The following ZNF492 variants were observed in gnomAD, a reference collection of about 807,000 sequenced individuals.
ZNF492 encodes the protein zinc finger protein 115 (Y20).
A neutral mutation model predicts 6.4 loss-of-function variants in ZNF492; 3 were observed. The ratio of observed to expected loss-of-function variants is 0.47; its 90% CI spans 0.21 to 1.22. ZNF492 has a LOEUF of 1.22. Among genes scored for constraint, ZNF492 ranks in the 50% most tolerant of loss-of-function variants. The pLI, the probability that ZNF492 is intolerant of heterozygous loss-of-function variation, is 0.22. For missense variants in ZNF492, 356 were observed against 612.5 expected, an observed-to-expected ratio of 0.58 and a Z score of 4.42; for synonymous variants, 112 against 205.3, an observed-to-expected ratio of 0.55 and a Z score of 3.89.
chr19:22,663,783 A>G lies in ZNF492; in HGVS notation c.131-17A>G, dbSNP rs543415137. 11 of 1,476,398 alleles carry G rather than the reference A, an allele frequency of 7.5e-6. No homozygotes were observed. In the East Asian group the frequency reaches 2.1e-4, roughly 28 times the overall value. 91.5% of individuals were successfully genotyped at this position (1,476,398 alleles called of 1,614,324 possible). A position where few individuals can be genotyped will look rare whatever the true frequency, so the allele number is the denominator to read the frequency against. On this transcript the variant is annotated splice_polypyrimidine_tract_variant and intron_variant, in intron 3 of 3. Coordinates refer to ENST00000456783, the MANE Select transcript of ZNF492 (RefSeq NM_020855.3). Reference sequence around the variant, plus strand: ...GAGTCAGTAAGTGAAGTAATTTATTATTTTTATTTCTTTCAGTTGTATGTT... The same window carrying G: ...GAGTCAGTAAGTGAAGTAATTTATTGTTTTTATTTCTTTCAGTTGTATGTT...
chr19:22,650,390 G>C (rs1310609150), intron 1 of ZNF492, among the ~76,000 whole-genome samples: 1 of 151,646 alleles, frequency 6.6e-6, no homozygotes, highest in African/African-American at 2.4e-5. Flanking sequence ...ATCTCACCCA[G>C]TTGGGTGGCA....
intron 3 of ZNF492, among the ~76,000 whole-genome samples, chr19:22,660,374 G>T: frequency 6.7e-6 from 1 of 149,326 alleles, no homozygotes; most frequent in Admixed American, 6.7e-5. Flanking sequence ...GTATTGATAT[G>T]CTTTTACTTA....
In ZNF492 at chr19:22,666,188, CTT is replaced by C. The variant is rs202104125; in HGVS notation, c.*939_*940del. 87 of 136,298 alleles carry C rather than the reference CTT, an allele frequency of 6.4e-4. 1 individual carries two copies. Among genetic ancestry groups the C allele is most frequent in the South Asian group, 4.6e-3 (20 of 4,350 alleles). 8.4% of individuals were successfully genotyped at this position (136,298 alleles called of 1,614,324 possible). A position where few individuals can be genotyped will look rare whatever the true frequency, so the allele number is the denominator to read the frequency against. ...GAAATTAGTTTTTCTTTTTCTTCTT[CTT>C]TTTTTTTTTTTTTTTAGATGGAGTC... On this transcript the variant is annotated 3_prime_UTR_variant, in exon 4 of 4. Coordinates refer to ENST00000456783, the MANE Select transcript of ZNF492 (RefSeq NM_020855.3).
chr19:22,662,396 G>A (rs528208182), intron 3 of ZNF492, among the ~76,000 whole-genome samples: 86 of 152,268 alleles, frequency 5.6e-4, no homozygotes, highest in African/African-American at 2.0e-3. Context: ...ATAAATATAC[G>A]TGTGCATGTG....
rs1455447644 is a variant in ZNF492 at position 22,663,972 on chromosome 19, T to C, written c.303T>C (p.Leu101=). 3 of 1,612,368 alleles carry C rather than the reference T, an allele frequency of 1.9e-6. No homozygotes were observed. In the African/African-American group the frequency reaches 4.0e-5, roughly 22 times the overall value. The change falls in exon 4 of 4, where the codon CTT becomes CTC. Residue 101 remains leucine (L), a synonymous_variant. Coordinates refer to ENST00000456783, the MANE Select transcript of ZNF492 (RefSeq NM_020855.3). ...TGCACAAAGAATGTTACAATGGACT[T>C]AACCAGTGTTTGACGACTACCCAGA... ...CKVHKECYNG[L]NQCLTTTQNK...
Position 22,663,653 on chromosome 19 carries a change from T to A in ZNF492, c.131-147T>A, listed in dbSNP as rs1294625331. 3 of 779,962 alleles carry A rather than the reference T, an allele frequency of 3.8e-6. No homozygotes were observed. In the African/African-American group the frequency reaches 5.5e-5, roughly 14 times the overall value. The allele number at this position is 779,962 out of a possible 1,614,324, so 48.3% of individuals were successfully genotyped here. A position where few individuals can be genotyped will look rare whatever the true frequency, so the allele number is the denominator to read the frequency against. On this transcript the variant is annotated intron_variant, in intron 3 of 3. Transcript: ENST00000456783. ...CAGAAATGTAATTTGTTCTGTATGCTTTTATATGTCTGTGAAAATGTTAGA... is the reference window on the plus strand; with the variant it reads ...CAGAAATGTAATTTGTTCTGTATGCATTTATATGTCTGTGAAAATGTTAGA...
intron 3 of ZNF492, among the ~76,000 whole-genome samples, chr19:22,656,103 A>G (rs2957846): frequency 0.087 from 10,508 of 120,994 alleles, 786 homozygotes; most frequent in African/African-American, 0.21. Context: ...GATTACAGGC[A>G]TGAGCCACCG....
At chr19:22,656,097 A>G (rs1169772188) in intron 3 of ZNF492, among the ~76,000 whole-genome samples, 2 of 144,052 alleles carry the variant, frequency 1.4e-5, no homozygotes, top group Non-Finnish European at 3.0e-5. Context: ...TTCTGGGATT[A>G]CAGGCATGAG....
intron 3 of ZNF492, among the ~76,000 whole-genome samples, chr19:22,662,988 T>G (rs1369892820): frequency 6.6e-6 from 1 of 152,180 alleles, no homozygotes; most frequent in African/African-American, 2.4e-5. Context: ...CTTTTGGTGT[T>G]TTAGTCATGA....
chr19:22,663,770 GAAGTA>G lies in ZNF492; in HGVS notation c.131-28_131-24del, dbSNP rs753380801. 4.1e-6 allele frequency: 6 copies of G among 1,462,124 alleles called. No homozygotes were observed. In the African/African-American group the frequency reaches 4.3e-5, roughly 10 times the overall value. The allele number at this position is 1,462,124 out of a possible 1,614,324, so 90.6% of individuals were successfully genotyped here. On this transcript the variant is annotated intron_variant, in intron 3 of 3. Coordinates refer to ENST00000456783, the MANE Select transcript of ZNF492 (RefSeq NM_020855.3). ...AGTACATTCGTCTGAGTCAGTAAGT[GAAGTA>G]ATTTATTATTTTTATTTCTTTCAGT...
chr19:22,664,267 G>A lies in ZNF492; in HGVS notation c.598G>A (p.Glu200Lys), dbSNP rs754422466. Residue 200 changes from glutamate (E) to lysine (K), a missense_variant, in exon 4 of 4, where the codon GAA (glutamate) becomes AAA (lysine). Transcript: ENST00000456783. ...IHTGKKPYKC[E>K]ECGKAFNRLS... ...TACTGGAAAGAAACCCTACAAATGCGAAGAGTGTGGAAAAGCCTTTAACCG... is the reference window on the plus strand; with the variant it reads ...TACTGGAAAGAAACCCTACAAATGCAAAGAGTGTGGAAAAGCCTTTAACCG... 1.5e-5 allele frequency: 24 copies of A among 1,591,866 alleles called. No homozygotes were observed. The highest frequency in any genetic ancestry group is 9.5e-5 in the African/African-American group (7 of 73,782).
At chr19:22,662,854 A>G (rs1972072716) in intron 3 of ZNF492, among the ~76,000 whole-genome samples, 1 of 151,728 alleles carries the variant, frequency 6.6e-6, no homozygotes, top group East Asian at 1.9e-4. Context: ...AGATGGGTAG[A>G]TTGCATAGAT....
At chr19:22,634,932 A>G (rs73927045) in intron 1 of ZNF492, among the ~76,000 whole-genome samples, 12,148 of 152,214 alleles carry the variant, frequency 0.08, 1,576 homozygotes, top group African/African-American at 0.27. Context: ...GAGTGGTTCA[A>G]AAGTTATAGA....
At chr19:22,642,603 A>C (rs543171394) in intron 1 of ZNF492, among the ~76,000 whole-genome samples, 44 of 151,732 alleles carry the variant, frequency 2.9e-4, no homozygotes, top group African/African-American at 1.0e-3. Context: ...GTTAGCCAGG[A>C]TGGTCTCCAT....
rs981532296 is a variant in ZNF492, at chr19:22,665,333, C to G, written c.*68C>G. ...TGGATTGTAGGTAAGGTAATTCATT[C>G]TGGAGAAAACTTCTACAAGTGTGAA... On this transcript the variant is annotated 3_prime_UTR_variant, in exon 4 of 4. Coordinates refer to ENST00000456783, the MANE Select transcript of ZNF492 (RefSeq NM_020855.3). The G allele has an allele frequency of 2.0e-6, 3 of 1,494,644 alleles. No individual in the cohort carries two copies. In the African/African-American group the frequency reaches 4.2e-5, roughly 21 times the overall value. The allele number at this position is 1,494,644 out of a possible 1,614,324, so 92.6% of individuals were successfully genotyped here. A position where few individuals can be genotyped will look rare whatever the true frequency, so the allele number is the denominator to read the frequency against.
At chr19:22,654,837 G>A (rs1458708464) in intron 3 of ZNF492, among the ~76,000 whole-genome samples, 1 of 149,898 alleles carries the variant, frequency 6.7e-6, no homozygotes, top group Non-Finnish European at 1.5e-5. Flanking sequence ...CCTAGACCTC[G>A]TGATCCGCCC....
intron 1 of ZNF492, among the ~76,000 whole-genome samples, chr19:22,648,754 A>C (rs1971909843): frequency 6.6e-6 from 1 of 152,182 alleles, no homozygotes; most frequent in African/African-American, 2.4e-5. Context: ...TTTGTCAGAG[A>C]CTAGGATTCC....
At chr19:22,639,711 C>CAAAAAA (rs34864212) in intron 1 of ZNF492, among the ~76,000 whole-genome samples, 1 of 90,588 alleles carries the variant, frequency 1.1e-5, no homozygotes, top group Non-Finnish European at 2.3e-5. Flanking sequence ...AACTTGGTCT[C>CAAAAAA]AAAAAAAAAA....
chr19:22,660,661 T>C (rs1165754411), intron 3 of ZNF492, among the ~76,000 whole-genome samples: 1 of 151,256 alleles, frequency 6.6e-6, no homozygotes, highest in Non-Finnish European at 1.5e-5. Flanking sequence ...TTCTGCACCA[T>C]TATGATAATG....
Sources: gnomAD v4.1 joint callset for allele counts (sites outside exome capture counted in the v4.1 genomes callset) on GRCh38, gnomAD v4.1.1 for gene constraint, MANE v1.5 for transcripts, NCBI Gene and HGNC (gene_info 2026-07-23, HGNC 2026-07-21) for gene names.